Variants in SYCP1 observed in about 807,000 individuals in gnomAD.
SYCP1 encodes the protein cancer/testis antigen 8.
Under a neutral mutation model 153.1 loss-of-function variants are expected in SYCP1, and 64 were observed. The observed-to-expected ratio is 0.42, with a 90% confidence interval of 0.34 to 0.51. The LOEUF is 0.51. Among genes scored for constraint, SYCP1 ranks in the 20% least tolerant of loss-of-function variants. The pLI is 0.06. For missense variants in SYCP1, 997 were observed against 1,049.0 expected (o/e 0.95, Z 0.68); for synonymous variants, 384 against 341.8 (o/e 1.12, Z -1.36).
intron 8 of SYCP1, among the ~76,000 whole-genome samples, chr1:114,869,432 G>T (rs1460206203): frequency 6.6e-6 from 1 of 152,090 alleles, no homozygotes; most frequent in African/African-American, 2.4e-5. Context: ...ATTTGTTAAG[G>T]TGTGTCTTAT....
At chr1:114,889,725 T>A (rs1031972936) in intron 15 of SYCP1, among the ~76,000 whole-genome samples, 2 of 152,186 alleles carry the variant, frequency 1.3e-5, no homozygotes, top group Non-Finnish European at 2.9e-5. Flanking sequence ...CATTTATCAA[T>A]TTTGGCTTCT....
chr1:114,929,437 C>T (rs770282075), intron 23 of SYCP1, among the ~76,000 whole-genome samples: 22 of 151,046 alleles, frequency 1.5e-4, no homozygotes, highest in Non-Finnish European at 1.3e-4. Context: ...AAGGGCAAAC[C>T]ATATACTATT....
intron 27 of SYCP1, among the ~76,000 whole-genome samples, chr1:114,954,193 C>A (rs1043215478): frequency 2.0e-5 from 3 of 151,966 alleles, no homozygotes; most frequent in African/African-American, 7.3e-5. Flanking sequence ...ATGACCTTGC[C>A]AACTTATCAT....
chr1:114,870,430 C>G (rs934848994), intron 8 of SYCP1, among the ~76,000 whole-genome samples: 3 of 151,518 alleles, frequency 2.0e-5, no homozygotes, highest in Non-Finnish European at 4.4e-5. Context: ...ATCCATATGT[C>G]TCCTTTTGTA....
chr1:114,902,576 C>T (rs778904198), intron 16 of SYCP1, among the ~76,000 whole-genome samples: 19 of 150,574 alleles, frequency 1.3e-4, no homozygotes, highest in African/African-American at 1.0e-4. Context: ...ACCCCGCAAA[C>T]GGCAGGAGCT....
chr1:114,924,965 C>T (rs1471451837), intron 21 of SYCP1, among the ~76,000 whole-genome samples: 2 of 152,042 alleles, frequency 1.3e-5, no homozygotes, highest in Non-Finnish European at 2.9e-5. Flanking sequence ...TTACAATAGA[C>T]CAGGTGCATT....
intron 1 of SYCP1, 34 bp from the exon 2 acceptor site, chr1:114,855,407 C>A: frequency 1.5e-6 from 2 of 1,331,658 alleles, no homozygotes; most frequent in Admixed American, 2.5e-5. Flanking sequence ...TGAAAAAAAA[C>A]TTTCCTTCCC....
chr1:114,994,855 G>A, intron 31 of SYCP1, 27 bp from the exon 32 acceptor site: 2 of 1,575,702 alleles, frequency 1.3e-6, no homozygotes, highest in Non-Finnish European at 8.6e-7. Flanking sequence ...AACATGTTAT[G>A]ATTTTTAAAT....
chr1:114,961,816 A>G (rs1671796377), intron 27 of SYCP1, among the ~76,000 whole-genome samples: 1 of 152,048 alleles, frequency 6.6e-6, no homozygotes, highest in Non-Finnish European at 1.5e-5. Flanking sequence ...TATATTCTGC[A>G]GTTGTTAGGT....
chr1:114,933,621 G>A (rs1669784724), intron 23 of SYCP1, among the ~76,000 whole-genome samples: 1 of 152,202 alleles, frequency 6.6e-6, no homozygotes, highest in African/African-American at 2.4e-5. Context: ...AAAGGAGGAT[G>A]TTCGAACCCA....
At chr1:114,907,497 G>A (rs1187671277) in intron 16 of SYCP1, among the ~76,000 whole-genome samples, 3 of 150,618 alleles carry the variant, frequency 2.0e-5, no homozygotes, top group Non-Finnish European at 3.0e-5. Flanking sequence ...ATTTATTTTT[G>A]TGGCTGTTCT....
chr1:114,939,203 C>T (rs1343085698), intron 23 of SYCP1, among the ~76,000 whole-genome samples: 2 of 152,134 alleles, frequency 1.3e-5, no homozygotes, highest in African/African-American at 2.4e-5. Flanking sequence ...GTGGCCTCTA[C>T]ATACAGTATT....
chr1:114,923,740 G>C (rs1346201228), intron 21 of SYCP1: 1 of 352,046 alleles, frequency 2.8e-6, no homozygotes, highest in Admixed American at 5.4e-5. Context: ...GCATAATTCT[G>C]ATTTTCTTTT....
chr1:114,973,575 C>A (rs1158951218), intron 27 of SYCP1, among the ~76,000 whole-genome samples: 1 of 151,998 alleles, frequency 6.6e-6, no homozygotes, highest in African/African-American at 2.4e-5. Context: ...GTGAAATGAG[C>A]ACATTTGTAT....
intron 21 of SYCP1, among the ~76,000 whole-genome samples, chr1:114,924,121 A>G (rs560452510): frequency 6.6e-6 from 1 of 152,136 alleles, no homozygotes; most frequent in Non-Finnish European, 1.5e-5. Flanking sequence ...TTTGGTAGAG[A>G]GTAGTGATCT....
chr1:114,887,537 A>G, intron 14 of SYCP1, 89 bp from the exon 15 acceptor site: 2 of 728,540 alleles, frequency 2.7e-6, no homozygotes. Flanking sequence ...ATTCTAAGAT[A>G]TATCAGTTGC....
chr1:114,971,662 T>C (rs756416280), intron 27 of SYCP1, among the ~76,000 whole-genome samples: 3 of 152,326 alleles, frequency 2.0e-5, no homozygotes, highest in Middle Eastern at 3.4e-3. Context: ...TTAAATTTTA[T>C]CAAAAGCTTT....
chr1:114,936,596 A>G (rs1052051442), intron 23 of SYCP1, among the ~76,000 whole-genome samples: 2 of 152,216 alleles, frequency 1.3e-5, no homozygotes, highest in African/African-American at 2.4e-5. Context: ...TCAATTAGGA[A>G]AAGAGGAAGT....
At chr1:114,940,149 T>G (rs1186844892) in intron 23 of SYCP1, among the ~76,000 whole-genome samples, 3 of 152,236 alleles carry the variant, frequency 2.0e-5, no homozygotes, top group Middle Eastern at 6.8e-3. Context: ...CACGCTGGAG[T>G]GCAGTGGCTG....
Sources: gnomAD v4.1 joint callset for allele counts (sites outside exome capture counted in the v4.1 genomes callset) on GRCh38, gnomAD v4.1.1 for gene constraint, MANE v1.5 for transcripts, NCBI Gene and HGNC (gene_info 2026-07-23, HGNC 2026-07-21) for gene names.